NRXN3: variants seen among roughly 807,000 people sequenced by gnomAD.
NRXN3 encodes the protein neurexin III.
A neutral mutation model predicts 137.6 loss-of-function variants in NRXN3; 32 were observed. The ratio of observed to expected loss-of-function variants is 0.23; its 90% CI spans 0.18 to 0.31. The LOEUF (loss-of-function observed/expected upper bound fraction) is 0.31, where lower values mean the gene tolerates loss of function less well. Among genes scored for constraint, NRXN3 ranks in the 10% least tolerant of loss-of-function variants. The pLI, the probability that NRXN3 is intolerant of heterozygous loss-of-function variation, is 1.00. For synonymous variants in NRXN3, 798 were observed against 784.5 expected, an observed-to-expected ratio of 1.02 and a Z score of -0.29; for missense variants, 1,574 against 2,062.5, an observed-to-expected ratio of 0.76 and a Z score of 4.59.
chr14:79,394,792 G>A (rs1169273301), intron 15 of NRXN3, among the ~76,000 whole-genome samples: 1 of 152,164 alleles, frequency 6.6e-6, no homozygotes, highest in East Asian at 1.9e-4. Flanking sequence ...AATATTCAAA[G>A]CAAAGTCTAT....
intron 14 of NRXN3, among the ~76,000 whole-genome samples, chr14:78,979,088 C>T (rs2099481172): frequency 6.6e-6 from 1 of 152,088 alleles, no homozygotes; most frequent in South Asian, 2.1e-4. Flanking sequence ...AGGACCACAA[C>T]AGATTGGATG....
At chr14:79,040,710 A>G (rs2099623669) in intron 15 of NRXN3, among the ~76,000 whole-genome samples, 1 of 152,108 alleles carries the variant, frequency 6.6e-6, no homozygotes, top group Admixed American at 6.5e-5. Context: ...CCATTTTTAC[A>G]GTTGAATGCA....
chr14:79,429,344 G>A (rs2095708622), intron 15 of NRXN3, among the ~76,000 whole-genome samples: 1 of 152,158 alleles, frequency 6.6e-6, no homozygotes, highest in Non-Finnish European at 1.5e-5. Flanking sequence ...GTGACATTGT[G>A]GAGTCATCAG....
In NRXN3 at chr14:78,589,465, C is replaced by T. The variant is rs150452825; in HGVS notation, c.758-55655C>T. On this transcript the variant is annotated intron_variant, in intron 4 of 20. Transcript: ENST00000335750. Reference sequence around the variant, plus strand: ...TACTTGCTGCCTATGCCAATCCTATCCCCTCTTCAAAGCCCAGTTTAAGTC... The same window carrying T: ...TACTTGCTGCCTATGCCAATCCTATTCCCTCTTCAAAGCCCAGTTTAAGTC... 9.7e-4 allele frequency among the ~76,000 whole-genome samples: 147 copies of T among 152,314 alleles called. 1 individual carries two copies. The highest frequency in any genetic ancestry group is 2.8e-4 in the Non-Finnish European group (19 of 68,024).
intron 11 of NRXN3, among the ~76,000 whole-genome samples, chr14:78,963,164 A>G (rs1401396781): frequency 1.5e-5 from 2 of 129,076 alleles, no homozygotes; most frequent in East Asian, 2.5e-4. Context: ...ATCTCAATAA[A>G]CACTTTTTTT....
chr14:78,665,204 C>A (rs2097873494), intron 6 of NRXN3, among the ~76,000 whole-genome samples: 1 of 152,094 alleles, frequency 6.6e-6, no homozygotes, highest in Admixed American at 6.6e-5. Context: ...GTGTATTAGT[C>A]CATTCTCACA....
chr14:78,795,906 G>A (rs1157270511), intron 8 of NRXN3, among the ~76,000 whole-genome samples: 1 of 152,132 alleles, frequency 6.6e-6, no homozygotes, highest in Non-Finnish European at 1.5e-5. Flanking sequence ...AAAATGAGAG[G>A]TGTGATATTT....
At chr14:79,565,203 G>A (rs1424600891) in intron 16 of NRXN3, among the ~76,000 whole-genome samples, 1 of 144,168 alleles carries the variant, frequency 6.9e-6, no homozygotes, top group Non-Finnish European at 1.6e-5. Context: ...CTAGTTTTAT[G>A]TTTGTGTATA....
chr14:78,868,142 A>C (rs2152557324), intron 10 of NRXN3, among the ~76,000 whole-genome samples: 1 of 151,798 alleles, frequency 6.6e-6, no homozygotes, highest in East Asian at 1.9e-4. Context: ...CAGGAGCCTT[A>C]TCCAGGAACC....
chr14:79,524,928 A>G (rs1331311835), intron 16 of NRXN3, among the ~76,000 whole-genome samples: 1 of 151,610 alleles, frequency 6.6e-6, no homozygotes, highest in African/African-American at 2.4e-5. Context: ...GGCCGTGTAG[A>G]CTCTTCTTGG....
chr14:79,610,667 A>C (rs2098087661), intron 16 of NRXN3, among the ~76,000 whole-genome samples: 1 of 152,172 alleles, frequency 6.6e-6, no homozygotes, highest in Non-Finnish European at 1.5e-5. Flanking sequence ...AGCAATTTAA[A>C]CTGCTTCTAA....
intron 15 of NRXN3, among the ~76,000 whole-genome samples, chr14:79,466,347 G>C (rs2096423104): frequency 6.6e-6 from 1 of 152,144 alleles, no homozygotes; most frequent in South Asian, 2.1e-4. Flanking sequence ...CAGCACTTTG[G>C]GTGGCCAAGG....
intron 16 of NRXN3, among the ~76,000 whole-genome samples, chr14:79,620,375 A>G: frequency 6.6e-6 from 1 of 152,112 alleles, no homozygotes; most frequent in Non-Finnish European, 1.5e-5. Context: ...AACCATGCAT[A>G]TGTGTTTTAA....
intron 19 of NRXN3, among the ~76,000 whole-genome samples, chr14:79,795,716 A>G (rs1413996627): frequency 6.6e-6 from 1 of 152,164 alleles, no homozygotes. Context: ...TGAGTGGGAT[A>G]TACTTTTTTT....
intron 19 of NRXN3, among the ~76,000 whole-genome samples, chr14:79,721,847 A>AT (rs1179153192): frequency 6.6e-6 from 1 of 152,126 alleles, no homozygotes; most frequent in Non-Finnish European, 1.5e-5. Flanking sequence ...GTGTGGTAGC[A>AT]TGAAGTCTCT....
intron 4 of NRXN3, among the ~76,000 whole-genome samples, chr14:78,338,063 G>T (rs2081682250): frequency 6.6e-6 from 1 of 152,054 alleles, no homozygotes; most frequent in Non-Finnish European, 1.5e-5. Context: ...TGTTTAGGTT[G>T]TTATTGCTAG....
chr14:79,542,741 C>T lies in NRXN3; in HGVS notation c.3444+75339C>T, dbSNP rs911106884. Among the ~76,000 whole-genome samples, 8 of 152,068 alleles carry T rather than the reference C, an allele frequency of 5.3e-5. No individual in the cohort carries two copies. In the South Asian group the frequency reaches 6.2e-4, roughly 12 times the overall value. ...AACAAACAAGTGATAGAACCCTAAACGCTCTTTTGGCAAAGATCCCTTCAG... is the reference window on the plus strand; with the variant it reads ...AACAAACAAGTGATAGAACCCTAAATGCTCTTTTGGCAAAGATCCCTTCAG... On this transcript the variant is annotated intron_variant, in intron 16 of 20. Transcript: ENST00000335750.
chr14:78,340,579 C>T (rs1267098916), intron 4 of NRXN3, among the ~76,000 whole-genome samples: 1 of 152,094 alleles, frequency 6.6e-6, no homozygotes. Context: ...GGCTGAGACC[C>T]TTGGTTCTCC....
At chr14:78,323,119 G>T (rs1359678643) in intron 4 of NRXN3, among the ~76,000 whole-genome samples, 1 of 151,992 alleles carries the variant, frequency 6.6e-6, no homozygotes, top group African/African-American at 2.4e-5. Context: ...TTGGGTGGGG[G>T]ATAAATAGGA....
Sources: allele counts gnomAD v4.1 joint callset (sites outside exome capture counted in the v4.1 genomes callset), GRCh38; gene constraint gnomAD v4.1.1; transcripts MANE v1.5; gene names NCBI Gene and HGNC (gene_info 2026-07-23, HGNC 2026-07-21).